Variants in CHTF18 observed in about 807,000 individuals in gnomAD.
CHTF18 encodes chromosome transmission fidelity factor 18.
Under a neutral mutation model 113.4 loss-of-function variants are expected in CHTF18, and 151 were observed. That is an observed-to-expected ratio of 1.33 (90% CI 1.17 to 1.52). The LOEUF (loss-of-function observed/expected upper bound fraction) is 1.52. Ranked by LOEUF, CHTF18 falls within the 40% of genes most tolerant of loss-of-function variation. CHTF18 has a pLI of 0.00. For missense variants in CHTF18, 1,982 were observed against 1,381.6 expected (o/e 1.43, Z -6.89); for synonymous variants, 916 against 598.8 (o/e 1.53, Z -7.74).
rs367916369 is a variant in CHTF18, at chr16:791,874, G to C, written c.1128G>C (p.Pro376=). 611 of 1,607,954 alleles carry C rather than the reference G, an allele frequency of 3.8e-4. 2 individuals are homozygous for C. The Middle Eastern group carries it at 4.5e-3, about 12-fold the overall frequency. ...AGGTGGCACTGCTCTGTGGGCCCCC[G>C]GGGCTGGGGAAGACCACCCTGGCAC... ...KQKVALLCGP[P]GLGKTTLAHV... Residue 376 remains proline, a synonymous_variant, in exon 9 of 22, where the codon CCG becomes CCC. Coordinates refer to ENST00000262315, the MANE Select transcript of CHTF18 (RefSeq NM_022092.3).
chr16:796,218 A>G (rs751470385), intron 18 of CHTF18, 141 bp downstream of exon 18: 4 of 1,147,040 alleles, frequency 3.5e-6, no homozygotes, highest in Non-Finnish European at 4.8e-6. Flanking sequence ...TCTTTTGCTC[A>G]GATGTAACCG....
chr16:794,077 C>T lies in CHTF18; in HGVS notation c.1826C>T (p.Ala609Val). The change falls in exon 15 of 22, where the codon GCC becomes GTC. Residue 609 changes from alanine (A) to valine (V), a missense_variant. Coordinates refer to ENST00000262315, the MANE Select transcript of CHTF18 (RefSeq NM_022092.3). Reference sequence around the variant, plus strand: ...AGGCGCCGTGTGGGCCAGGACCCCGCCCTGCCTGCTGACACACTCCTGCTG... The same window carrying T: ...AGGCGCCGTGTGGGCCAGGACCCCGTCCTGCCTGCTGACACACTCCTGCTG... ...AQRRRVGQDP[A>V]LPADTLLLGD... 1 of 1,611,950 alleles carries T rather than the reference C, an allele frequency of 6.2e-7. No individual in the cohort carries two copies. The highest frequency in any genetic ancestry group is 8.5e-7 in the Non-Finnish European group (1 of 1,179,660).
At position 790,597 on chromosome 16, in the gene CHTF18, C is replaced by T. The variant is rs3765265; in HGVS notation, c.825C>T (p.Asp275=). ...AGGAGGAGCCGACTGACGGTCAAGA[C>T]GCCTCCAGTCACTGCCTCTGGGTGG... ...APEEEPTDGQ[D]ASSHCLWVDE... The change falls in exon 7 of 22, where the codon GAC becomes GAT. Residue 275 remains aspartate, a synonymous_variant. Transcript: ENST00000262315. The T allele has an allele frequency of 0.049, 77,696 of 1,596,274 alleles. 3,920 individuals are homozygous for T. Among genetic ancestry groups the T allele is most frequent in the East Asian group, 0.28 (12,441 of 44,060 alleles).
At position 792,814 on chromosome 16, in the gene CHTF18, C is replaced by T. The variant is rs1311315304; in HGVS notation, c.1572+3C>T. The T allele has an allele frequency of 1.2e-5, 19 of 1,539,862 alleles. No individual in the cohort carries two copies. The highest frequency in any genetic ancestry group is 4.1e-5 in the African/African-American group (3 of 73,032). On this transcript the variant is annotated splice_donor_region_variant and intron_variant, in intron 12 of 21. Coordinates refer to ENST00000262315, the MANE Select transcript of CHTF18 (RefSeq NM_022092.3). The stretch of plus-strand genomic sequence containing the variant: ...GGCTGGTGCAGCGGCTCCAGGAGGT[C>T]GGTGGAGCCCCAGGAGCCGTGTGGC...
Position 797,829 on chromosome 16 carries a change from G to T in CHTF18, c.2792-10G>T. 6.3e-7 allele frequency: 1 copy of T among 1,598,124 alleles called. No homozygotes were observed. ...CCTTACAGCTGAGGAGCAACCCTGT[G>T]GCCCCGCAGGGGACACGGCCCCGGA... On this transcript the variant is annotated splice_polypyrimidine_tract_variant and intron_variant, in intron 21 of 21. Transcript: ENST00000262315.
Position 793,636 on chromosome 16 carries a change from C to T in CHTF18, c.1802+362C>T, listed in dbSNP as rs1424232133. ...GTCTCTGAGCCCCTGCCTGCCCACA[C>T]TGCTTGGCCTCCCGTGGGCAGGAGC... is the stretch of plus-strand genomic sequence containing the variant. On this transcript the variant is annotated intron_variant, in intron 14 of 21. Transcript: ENST00000262315. 19 of 533,954 alleles carry T rather than the reference C, an allele frequency of 3.6e-5. No individual in the cohort carries two copies. The Admixed American group carries it at 5.6e-4, about 16-fold the overall frequency. The allele number at this position is 533,954 out of a possible 1,614,324, so 33.1% of individuals were successfully genotyped here.
rs2042091398 is a variant in CHTF18, at chr16:789,222, A to G, written c.299A>G (p.Lys100Arg). 1 of 1,551,932 alleles carries G rather than the reference A, an allele frequency of 6.4e-7. No individual in the cohort carries two copies. The highest frequency in any genetic ancestry group is 1.2e-5 in the South Asian group (1 of 84,246). Residue 100 changes from lysine (K) to arginine (R), a missense_variant, in exon 3 of 22, where the codon AAA (lysine) becomes AGA (arginine). Transcript: ENST00000262315. Reference sequence around the variant, plus strand: ...GTGTCTCCCCCAGCCCCCAGGATCAAACGGCCTAGGCTGCAGGTGGTCAAG... The same window carrying G: ...GTGTCTCCCCCAGCCCCCAGGATCAGACGGCCTAGGCTGCAGGTGGTCAAG... ...AGSLPHAPRI[K>R]RPRLQVVKRL...
chr16:796,510 C>G, intron 18 of CHTF18: 3 of 615,686 alleles, frequency 4.9e-6, no homozygotes, highest in Non-Finnish European at 8.3e-6. Context: ...CATCATCATC[C>G]CACGTACACT....
chr16:795,288 G>C lies in CHTF18; in HGVS notation c.2107G>C (p.Val703Leu), dbSNP rs778840065. The C allele has an allele frequency of 1.3e-6, 2 of 1,548,796 alleles. No individual in the cohort carries two copies. Among genetic ancestry groups the C allele is most frequent in the African/African-American group, 1.4e-5 (1 of 72,864 alleles). Residue 703 changes from valine (V) to leucine (L), a missense_variant, in exon 16 of 22, where the codon GTG (valine) becomes CTG (leucine). Val to Leu is a conservative substitution (Grantham distance 32). Coordinates refer to ENST00000262315, the MANE Select transcript of CHTF18 (RefSeq NM_022092.3). ...GCTGCGCTACCCACCCTTCCTGCCC[G>C]TGGCCTTCCATGTGCTGTTTGCTTC... Reference protein sequence around the residue: ...QLLRYPPFLPVAFHVLFASSH... With the variant: ...QLLRYPPFLPLAFHVLFASSH...
Position 795,166 on chromosome 16 carries a change from G to C in CHTF18, c.1985G>C (p.Arg662Pro), listed in dbSNP as rs927638441. ...LFDNFLRLRLRDSSLGAVCVA... is the reference protein window; with the variant it reads ...LFDNFLRLRLPDSSLGAVCVA... ...GACAACTTCCTGCGTCTGCGGCTGC[G>C]AGACTCCAGCCTGGGTGCTGTGTGT... The change falls in exon 16 of 22, where the codon CGA becomes CCA. Residue 662 changes from arginine (R) to proline (P), a missense_variant. Physicochemically the swap from Arg to Pro is moderately radical, Grantham distance 103. Coordinates refer to ENST00000262315, the MANE Select transcript of CHTF18 (RefSeq NM_022092.3). The C allele has an allele frequency of 1.9e-6, 3 of 1,555,650 alleles. No homozygotes were observed. The African/African-American group carries it at 4.1e-5, about 21-fold the overall frequency.
rs1397802424 is a variant in CHTF18 at position 792,957 on chromosome 16, C to T, written c.1573-9C>T. 14 of 1,552,974 alleles carry T rather than the reference C, an allele frequency of 9.0e-6. No homozygotes were observed. The highest frequency in any genetic ancestry group is 1.1e-5 in the Non-Finnish European group (13 of 1,148,606). ...ACCATCGGGCCCTCCAGCAGCCCTT[C>T]TCCACCAGGTCTCCCTGCGGCAGGG... is the stretch of plus-strand genomic sequence containing the variant. On this transcript the variant is annotated splice_polypyrimidine_tract_variant and intron_variant, in intron 12 of 21. Transcript: ENST00000262315.
At chr16:791,806 C>A in intron 8 of CHTF18, 45 bp from the exon 9 acceptor site, 2 of 1,557,800 alleles carry the variant, frequency 1.3e-6, no homozygotes, top group South Asian at 2.4e-5. Flanking sequence ...CGGGAGCGTC[C>A]TGTAGGTGCG....
chr16:793,652 G>C (rs546012739), intron 14 of CHTF18: 2 of 529,314 alleles, frequency 3.8e-6, no homozygotes. Flanking sequence ...GGCCTCCCGT[G>C]GGCAGGAGCA....
chr16:790,891 A>C, intron 7 of CHTF18: 1 of 1,432,030 alleles, frequency 7.0e-7, no homozygotes, highest in East Asian at 2.5e-5. Flanking sequence ...CACCTGATCC[A>C]AGTCTCTGTT....
intron 20 of CHTF18, among the ~76,000 whole-genome samples, chr16:797,430 C>T (rs575805173): frequency 1.3e-5 from 2 of 152,096 alleles, no homozygotes; most frequent in East Asian, 1.9e-4. Context: ...CAGCTCCTTA[C>T]CCTCAGCATG....
In CHTF18 at chr16:793,996, G is replaced by A. The variant is rs567380985; in HGVS notation, c.1803-58G>A. 43 of 1,565,920 alleles carry A rather than the reference G, an allele frequency of 2.7e-5. No individual in the cohort carries two copies. The African/African-American group carries it at 5.7e-4, about 21-fold the overall frequency. ...GGCCTCTGAGTGTCCCGGGGAGACG[G>A]GTGGGGCTGCCTGTGCTTTTAACAC... On this transcript the variant is annotated intron_variant, in intron 14 of 21. Coordinates refer to ENST00000262315, the MANE Select transcript of CHTF18 (RefSeq NM_022092.3).
intron 8 of CHTF18, 175 bp from the exon 9 acceptor site, chr16:791,676 T>C (rs771860739): frequency 1.0e-4 from 147 of 1,427,614 alleles, no homozygotes; most frequent in African/African-American, 1.7e-4. Flanking sequence ...TGTAGGTTTT[T>C]TTTTCCGTTG....
At position 789,530 on chromosome 16, in the gene CHTF18, C is replaced by T. The variant is rs556249066; in HGVS notation, c.438-17C>T. ...CCACGCTTGAGTTTCTGCCACTGAGCCCCGGTCTCTCTCCAGAGTCTCAGA... is the reference window on the plus strand; with the variant it reads ...CCACGCTTGAGTTTCTGCCACTGAGTCCCGGTCTCTCTCCAGAGTCTCAGA... On this transcript the variant is annotated splice_polypyrimidine_tract_variant and intron_variant, in intron 3 of 21. Coordinates refer to ENST00000262315, the MANE Select transcript of CHTF18 (RefSeq NM_022092.3). The T allele has an allele frequency of 2.0e-5, 32 of 1,583,162 alleles. No homozygotes were observed. The highest frequency in any genetic ancestry group is 3.5e-5 in the Admixed American group (2 of 57,778).
At chr16:790,888 T>C in intron 7 of CHTF18, 3 of 1,432,214 alleles carry the variant, frequency 2.1e-6, no homozygotes, top group South Asian at 1.5e-5. Flanking sequence ...TGTCACCTGA[T>C]CCAAGTCTCT....
Sources: gnomAD v4.1 joint callset for allele counts (sites outside exome capture counted in the v4.1 genomes callset) on GRCh38, gnomAD v4.1.1 for gene constraint, MANE v1.5 for transcripts, NCBI Gene and HGNC (gene_info 2026-07-23, HGNC 2026-07-21) for gene names.